Variants in LRRC8A observed in about 807,000 individuals in gnomAD.
The protein encoded by LRRC8A is leucine rich repeat containing 8 VRAC subunit A.
LRRC8A carries 24 observed loss-of-function variants against 52.5 expected under a neutral mutation model. The observed-to-expected ratio is 0.46, with a 90% CI of 0.33 to 0.64. The LOEUF is 0.64. LRRC8A is among the 30% of genes least tolerant of loss of function. The pLI is 0.02. For missense variants in LRRC8A, 677 were observed against 1,094.7 expected, an observed-to-expected ratio of 0.62 and a Z score of 5.38; for synonymous variants, 492 against 494.2, an observed-to-expected ratio of 1.00 and a Z score of 0.06.
chr9:128,891,980 C>T (rs1203617214), intron 2 of LRRC8A, among the ~76,000 whole-genome samples: 1 of 152,184 alleles, frequency 6.6e-6, no homozygotes, highest in Non-Finnish European at 1.5e-5. Flanking sequence ...ATAATAATAA[C>T]AGCAGTGAAC....
chr9:128,907,845 A>C lies in LRRC8A; in HGVS notation c.681A>C (p.Ser227=), dbSNP rs749812733. The change falls in exon 3 of 4, where the codon TCA becomes TCC. Residue 227 remains serine (S), a synonymous_variant. Transcript: ENST00000372600. This position sits in a 1 kb window ranked among gnomAD's most constrained non-coding sequence, Gnocchi z 9.3. ...SRIEQGIVDR[S]ETGVLDKKEG... The stretch of plus-strand genomic sequence containing the variant: ...TCGAGCAGGGTATCGTGGACCGCTC[A>C]GAGACGGGCGTGCTGGACAAGAAGG... 35 of 1,613,988 alleles carry C rather than the reference A, an allele frequency of 2.2e-5. No homozygotes were observed. In the East Asian group the frequency reaches 7.6e-4, roughly 35 times the overall value.
chr9:128,913,528 C>T (rs887621048), intron 3 of LRRC8A, among the ~76,000 whole-genome samples: 1 of 152,032 alleles, frequency 6.6e-6, no homozygotes, highest in Non-Finnish European at 1.5e-5. Context: ...TGGTGGGAGC[C>T]GAGCAACTGA....
chr9:128,906,588 G>T (rs1261756010), intron 2 of LRRC8A, among the ~76,000 whole-genome samples: 1 of 152,148 alleles, frequency 6.6e-6, no homozygotes, highest in Non-Finnish European at 1.5e-5. Context: ...CTCCCAAAGT[G>T]CTGGGATTAC....
At position 128,893,097 on chromosome 9, in the gene LRRC8A, T is replaced by A. The variant is rs1839689105; in HGVS notation, c.-9+6976T>A. 7.2e-5 allele frequency among the ~76,000 whole-genome samples: 11 copies of A among 152,242 alleles called. No individual in the cohort carries two copies. The South Asian group carries it at 2.3e-3, about 32-fold the overall frequency. On this transcript the variant is annotated intron_variant, in intron 2 of 3. Coordinates refer to ENST00000372600, the MANE Select transcript of LRRC8A (RefSeq NM_019594.4). ...GTCTTCGAGAAGCATCCAGGGGATG[T>A]GGACTGGGGCTGAACCTAATGACTG...
rs560944971 is a variant in LRRC8A at position 128,894,184 on chromosome 9, A to G, written c.-9+8063A>G. The stretch of plus-strand genomic sequence containing the variant: ...GCGTGAGCCACCGTGCCCAGCCATC[A>G]TTCTTGTTTTAAAAAATTGCCAGGC... On this transcript the variant is annotated intron_variant, in intron 2 of 3. Coordinates refer to ENST00000372600, the MANE Select transcript of LRRC8A (RefSeq NM_019594.4). Among the ~76,000 whole-genome samples, 153 of 151,872 alleles carry G rather than the reference A, an allele frequency of 1.0e-3. No homozygotes were observed. In the Middle Eastern group the frequency reaches 0.02, roughly 20 times the overall value.
chr9:128,910,474 C>G (rs1840466179), intron 3 of LRRC8A, among the ~76,000 whole-genome samples: 1 of 152,218 alleles, frequency 6.6e-6, no homozygotes, highest in African/African-American at 2.4e-5. Context: ...GGGGCGGTCA[C>G]TTGAGCTCAG....
intron 3 of LRRC8A, among the ~76,000 whole-genome samples, chr9:128,913,369 G>A (rs767100091): frequency 2.0e-5 from 3 of 152,218 alleles, no homozygotes; most frequent in Non-Finnish European, 4.4e-5. Flanking sequence ...AGGCCTTTCA[G>A]TGCCGATGGG....
At position 128,908,692 on chromosome 9, in the gene LRRC8A, C is replaced by T. The variant is rs368625725; in HGVS notation, c.1528C>T (p.Leu510=). 11 of 1,612,908 alleles carry T rather than the reference C, an allele frequency of 6.8e-6. No homozygotes were observed. The African/African-American group carries it at 9.3e-5, about 14-fold the overall frequency. ...IKFTDIKEIP[L]WIYSLKTLEE... ...GTTCACCGACATCAAGGAGATCCCG[C>T]TGTGGATCTATAGCCTGAAGACACT... The change falls in exon 3 of 4, where the codon CTG becomes TTG. Residue 510 remains leucine (L), a synonymous_variant. Coordinates refer to ENST00000372600, the MANE Select transcript of LRRC8A (RefSeq NM_019594.4).
Position 128,907,137 on chromosome 9 carries a change from CT to C in LRRC8A, c.-8-19del. The stretch of plus-strand genomic sequence containing the variant: ...GCCAGGCCACCCTGTGCTAACCCCC[CT>C]CCTATGGCTCCCTTTTAGGTTGAAC... On this transcript the variant is annotated intron_variant, in intron 2 of 3. Transcript: ENST00000372600. This position sits in a 1 kb window ranked among gnomAD's most constrained non-coding sequence, Gnocchi z 9.3. 1.3e-6 allele frequency: 2 copies of C among 1,582,366 alleles called. No individual in the cohort carries two copies. The highest frequency in any genetic ancestry group is 1.7e-6 in the Non-Finnish European group (2 of 1,158,668).
chr9:128,908,258 T>A lies in LRRC8A; in HGVS notation c.1094T>A (p.Ile365Asn). ...SIREESSYSD[I>N]PDVKNDFAFM... Reference sequence around the variant, plus strand: ...CGTGAGGAGAGCAGCTACAGCGACATCCCCGACGTCAAGAACGACTTCGCC... The same window carrying A: ...CGTGAGGAGAGCAGCTACAGCGACAACCCCGACGTCAAGAACGACTTCGCC... The change falls in exon 3 of 4, where the codon ATC (isoleucine) becomes AAC (asparagine). Residue 365 changes from isoleucine to asparagine, a missense_variant. Physicochemically the swap from Ile to Asn is moderately radical, Grantham distance 149. Around this residue, in one of 4 missense-constraint regions of LRRC8A, gnomAD observed 422 missense variants for 741.5 expected, o/e 0.57. Transcript: ENST00000372600. 1 of 1,614,084 alleles carries A rather than the reference T, an allele frequency of 6.2e-7. No homozygotes were observed.
chr9:128,882,776 G>A (rs1441796016), intron 1 of LRRC8A: 3 of 398,850 alleles, frequency 7.5e-6, no homozygotes, highest in Admixed American at 8.8e-5. Context: ...GGCTCTTGGG[G>A]CCTTTCTGGG....
intron 2 of LRRC8A, among the ~76,000 whole-genome samples, chr9:128,889,409 A>G (rs1403310084): frequency 6.6e-6 from 1 of 151,830 alleles, no homozygotes; most frequent in Non-Finnish European, 1.5e-5. Context: ...CCAGTCGTCT[A>G]CCGCAGAACT....
chr9:128,888,035 A>G (rs1327270863), intron 2 of LRRC8A, among the ~76,000 whole-genome samples: 1 of 151,842 alleles, frequency 6.6e-6, no homozygotes, highest in East Asian at 1.9e-4. Flanking sequence ...CCTCCCCCTC[A>G]CATGCTGGGA....
intron 2 of LRRC8A, among the ~76,000 whole-genome samples, chr9:128,901,863 C>T (rs1564524238): frequency 6.6e-6 from 1 of 152,326 alleles, no homozygotes; most frequent in East Asian, 1.9e-4. Flanking sequence ...GCTCCTTTCC[C>T]CACACCCTTG....
At chr9:128,887,787 G>A (rs933225034) in intron 2 of LRRC8A, among the ~76,000 whole-genome samples, 1 of 151,952 alleles carries the variant, frequency 6.6e-6, no homozygotes, top group Non-Finnish European at 1.5e-5. Context: ...GACTACAGGC[G>A]CCCGCCACCA....
chr9:128,915,563 GA>G (rs1259818777), intron 3 of LRRC8A, among the ~76,000 whole-genome samples: 1 of 152,176 alleles, frequency 6.6e-6, no homozygotes, highest in Non-Finnish European at 1.5e-5. Flanking sequence ...CTGACCTCGT[GA>G]TCCGCCCGCC....
chr9:128,882,175 G>A lies in LRRC8A; in HGVS notation c.-191G>A, dbSNP rs764676146. 2 of 152,950 alleles carry A rather than the reference G, an allele frequency of 1.3e-5. No homozygotes were observed. The highest frequency in any genetic ancestry group is 1.9e-4 in the South Asian group (1 of 5,212). The allele number at this position is 152,950 out of a possible 1,614,324, so 9.5% of individuals were successfully genotyped here. ...ACAAACAAAAGGAGGCGCCGGAGCAGCGCTGCGGCCGGCGGCGGGACGGAG... is the reference window on the plus strand; with the variant it reads ...ACAAACAAAAGGAGGCGCCGGAGCAACGCTGCGGCCGGCGGCGGGACGGAG... On this transcript the variant is annotated 5_prime_UTR_variant, in exon 1 of 4. Coordinates refer to ENST00000372600, the MANE Select transcript of LRRC8A (RefSeq NM_019594.4).
At chr9:128,888,430 GCCCTT>G in intron 2 of LRRC8A, among the ~76,000 whole-genome samples, 1 of 152,260 alleles carries the variant, frequency 6.6e-6, no homozygotes, top group South Asian at 2.1e-4. Flanking sequence ...CCTGAGCCCA[GCCCTT>G]CCTGGGGATA....
chr9:128,891,436 C>T (rs1471336028), intron 2 of LRRC8A, among the ~76,000 whole-genome samples: 2 of 152,154 alleles, frequency 1.3e-5, no homozygotes, highest in Non-Finnish European at 2.9e-5. Context: ...GTGGCACATG[C>T]CTGTAGTTTC....
Sources: allele counts gnomAD v4.1 joint callset (sites outside exome capture counted in the v4.1 genomes callset), GRCh38; gene constraint gnomAD v4.1.1; regional missense constraint gnomAD v4.1.1; non-coding constraint Gnocchi (gnomAD v3.1); transcripts MANE v1.5; gene names NCBI Gene and HGNC (gene_info 2026-07-23, HGNC 2026-07-21).